Variants in TRIM14 observed in about 807,000 individuals in gnomAD.
TRIM14 encodes the protein tripartite motif-containing protein 14.
A neutral mutation model predicts 44.5 loss-of-function variants in TRIM14; 28 were observed. The ratio of observed to expected loss-of-function variants is 0.63; its 90% CI spans 0.47 to 0.86. TRIM14 has a LOEUF of 0.86. Ranked by LOEUF, TRIM14 falls within the 40% of genes least tolerant of loss-of-function variation. TRIM14 has a pLI of 0.00. For missense variants in TRIM14, 607 were observed against 611.1 expected, an observed-to-expected ratio of 0.99 and a Z score of 0.07; for synonymous variants, 299 against 269.2, an observed-to-expected ratio of 1.11 and a Z score of -1.08.
the TRIM14 span, among the ~76,000 whole-genome samples, chr9:98,040,061 C>G: frequency 6.6e-6 from 1 of 152,102 alleles, no homozygotes; most frequent in Non-Finnish European, 1.5e-5. Flanking sequence ...CTAGGCTGCT[C>G]TTGAACTCCT....
rs141218304 is a variant in TRIM14 at position 98,090,819 on chromosome 9, T to C, written c.793+1090A>G. 4.4e-3 allele frequency among the ~76,000 whole-genome samples: 663 copies of C among 152,226 alleles called. 2 individuals carry two copies. Among genetic ancestry groups the C allele is most frequent in the African/African-American group, 0.015 (623 of 41,538 alleles). On this transcript the variant is annotated intron_variant, in intron 5 of 5. Coordinates refer to ENST00000341469, the MANE Select transcript of TRIM14 (RefSeq NM_014788.4). The stretch of plus-strand genomic sequence containing the variant: ...CCTCAAGTGATCCACCTGCCTTGGG[T>C]TCCCAAAGTGCTGGGATTACAGGTG...
exon 7 of TRIM14, chr9:98,069,663 T>A (rs1052308675): frequency 2.6e-5 from 4 of 152,244 alleles, no homozygotes. Flanking sequence ...GGGAACATAC[T>A]GTACGATTCT....
chr9:98,041,710 T>C, the TRIM14 span, among the ~76,000 whole-genome samples: 1 of 150,556 alleles, frequency 6.6e-6, no homozygotes, highest in Non-Finnish European at 1.5e-5. Flanking sequence ...TGAGATGGAG[T>C]CTTGTTCTGT....
intron 6 of TRIM14, among the ~76,000 whole-genome samples, chr9:98,071,825 T>C (rs921686388): frequency 1.3e-5 from 2 of 152,218 alleles, no homozygotes; most frequent in South Asian, 2.1e-4. Flanking sequence ...TCTGCTTCCG[T>C]CCACGTTTCC....
At chr9:98,098,774 A>G (rs753743231) in intron 3 of TRIM14, among the ~76,000 whole-genome samples, 1 of 152,028 alleles carries the variant, frequency 6.6e-6, no homozygotes, top group Non-Finnish European at 1.5e-5. Flanking sequence ...AGCAATGACT[A>G]TCCCTGGGGC....
intron 2 of TRIM14, among the ~76,000 whole-genome samples, chr9:98,106,105 T>C (rs1297978806): frequency 6.6e-6 from 1 of 152,134 alleles, no homozygotes; most frequent in Non-Finnish European, 1.5e-5. Context: ...ACACTCACAA[T>C]CCACAGTGTA....
chr9:98,080,668 A>C, downstream of TRIM14: 1 of 786,648 alleles, frequency 1.3e-6, no homozygotes, highest in Non-Finnish European at 2.0e-6. Flanking sequence ...ATCCCTAGGA[A>C]AGAGAGGCTC....
chr9:98,046,731 G>A, the TRIM14 span, among the ~76,000 whole-genome samples: 6 of 152,062 alleles, frequency 3.9e-5, no homozygotes, highest in Admixed American at 1.3e-4. Context: ...GAGCCACTGC[G>A]CCCAGCTGAT....
the TRIM14 span, among the ~76,000 whole-genome samples, chr9:98,037,346 C>G: frequency 6.6e-6 from 1 of 152,126 alleles, no homozygotes; most frequent in Non-Finnish European, 1.5e-5. Context: ...CCACTGCACT[C>G]CAGTCCGGGC....
At chr9:98,114,939 T>A (rs1384190636) in intron 1 of TRIM14, among the ~76,000 whole-genome samples, 2 of 152,214 alleles carry the variant, frequency 1.3e-5, no homozygotes, top group Non-Finnish European at 2.9e-5. Context: ...TCTTTTTATA[T>A]TGTTTTTCAG....
At chr9:98,051,038 T>C in the TRIM14 span, among the ~76,000 whole-genome samples, 1 of 152,158 alleles carries the variant, frequency 6.6e-6, no homozygotes, top group Non-Finnish European at 1.5e-5. Flanking sequence ...CCTCCCAAAG[T>C]GCTGGGATTA....
downstream of TRIM14, chr9:98,081,378 C>G (rs16912622): frequency 2.6e-5 from 10 of 382,608 alleles, no homozygotes; most frequent in East Asian, 4.7e-4. Context: ...TACTCCTAGA[C>G]TCCAGAATAT....
intron 2 of TRIM14, among the ~76,000 whole-genome samples, chr9:98,106,900 C>T (rs763437476): frequency 2.7e-5 from 4 of 149,232 alleles, no homozygotes; most frequent in Non-Finnish European, 4.4e-5. Context: ...GGTCATTGCT[C>T]ACTGCAATTT....
chr9:98,082,945 C>G (rs763824205), downstream of TRIM14: 22 of 1,613,980 alleles, frequency 1.4e-5, no homozygotes, highest in Non-Finnish European at 1.8e-5. Flanking sequence ...AGGCTATCCT[C>G]CTGAAGACAT....
chr9:98,082,188 C>T (rs1359966747), downstream of TRIM14: 4 of 152,250 alleles, frequency 2.6e-5, no homozygotes, highest in African/African-American at 9.6e-5. Context: ...CTGCCCCTTC[C>T]TCGGGGGCTC....
At chr9:98,060,763 G>A in the TRIM14 span, 2 of 1,611,576 alleles carry the variant, frequency 1.2e-6, no homozygotes, top group African/African-American at 2.7e-5. Flanking sequence ...ACTGAAAGAT[G>A]TCCTAATGTG....
chr9:98,042,288 G>A, the TRIM14 span, among the ~76,000 whole-genome samples: 1 of 98,456 alleles, frequency 1.0e-5, no homozygotes, highest in Non-Finnish European at 1.8e-5. Flanking sequence ...GCCAGACTCT[G>A]TCTGGAAAAA....
At chr9:98,098,628 T>A (rs1289942966) in intron 3 of TRIM14, among the ~76,000 whole-genome samples, 1 of 151,514 alleles carries the variant, frequency 6.6e-6, no homozygotes, top group Non-Finnish European at 1.5e-5. Flanking sequence ...AGGAGAATGG[T>A]GGGAGGTGGA....
intron 6 of TRIM14, among the ~76,000 whole-genome samples, chr9:98,073,888 G>A (rs972802509): frequency 3.2e-4 from 48 of 152,246 alleles, no homozygotes; most frequent in African/African-American, 1.1e-3. Context: ...CTGGGTTCAA[G>A]CAATCCTCCC....
Sources: gnomAD v4.1 joint callset for allele counts (sites outside exome capture counted in the v4.1 genomes callset) on GRCh38, gnomAD v4.1.1 for gene constraint, MANE v1.5 for transcripts, NCBI Gene and HGNC (gene_info 2026-07-23, HGNC 2026-07-21) for gene names.